EMB: variants seen among roughly 807,000 people sequenced by gnomAD.
EMB encodes the protein embigin.
A neutral mutation model predicts 41.4 loss-of-function variants in EMB; 31 were observed. That is an observed-to-expected ratio of 0.75 (90% CI 0.56 to 1.01). EMB has a LOEUF of 1.01. Ranked by LOEUF, EMB falls within the 50% of genes least tolerant of loss-of-function variation. The pLI is 0.00. For missense variants in EMB, 379 were observed against 388.3 expected, an observed-to-expected ratio of 0.98 and a Z score of 0.20; for synonymous variants, 137 against 140.4, an observed-to-expected ratio of 0.98 and a Z score of 0.17.
In EMB at chr5:50,397,358, T is replaced by C. The variant is rs1745086203; in HGVS notation, c.*1915A>G. 1 of 152,142 alleles carries C rather than the reference T, an allele frequency of 6.6e-6. No homozygotes were observed. The highest frequency in any genetic ancestry group is 2.4e-5 in the African/African-American group (1 of 41,446). The allele number at this position is 152,142 out of a possible 1,614,324, so 9.4% of individuals were successfully genotyped here. On this transcript the variant is annotated 3_prime_UTR_variant, in exon 9 of 9. Coordinates refer to ENST00000303221, the MANE Select transcript of EMB (RefSeq NM_198449.3). ...TTTAAGGTTACTGAGATAAATTGTCTTTGCTAGAAAAAAATAAACAGTATT... is the reference window on the plus strand; with the variant it reads ...TTTAAGGTTACTGAGATAAATTGTCCTTGCTAGAAAAAAATAAACAGTATT...
intron 2 of EMB, among the ~76,000 whole-genome samples, chr5:50,416,304 G>A (rs1346858275): frequency 2.0e-5 from 3 of 152,130 alleles, no homozygotes; most frequent in East Asian, 1.9e-4. Context: ...TTTTTGAAAC[G>A]TATTTTCAAG....
At position 50,399,285 on chromosome 5, in the gene EMB, A is replaced by G; in HGVS notation, c.972T>C (p.Ser324=). ...NNVPRHRKNE[S]LGQ ...TGATGTTTTGTATTCACTGGCCCAG[A>G]GACTCCTGAGTTAAATAAAGCATAA... is the stretch of plus-strand genomic sequence containing the variant. Residue 324 remains serine, a synonymous_variant, in exon 9 of 9, where the codon TCT becomes TCC. Coordinates refer to ENST00000303221, the MANE Select transcript of EMB (RefSeq NM_198449.3). 18 of 1,608,764 alleles carry G rather than the reference A, an allele frequency of 1.1e-5. No homozygotes were observed. Among genetic ancestry groups the G allele is most frequent in the Non-Finnish European group, 1.5e-5 (18 of 1,177,016 alleles).
intron 2 of EMB, among the ~76,000 whole-genome samples, chr5:50,413,913 C>T (rs1397070571): frequency 3.3e-5 from 5 of 152,122 alleles, no homozygotes; most frequent in African/African-American, 4.8e-5. Flanking sequence ...GTCTTTGTAT[C>T]GGACGTCAGG....
chr5:50,439,190 C>A (rs1420878152), intron 1 of EMB, among the ~76,000 whole-genome samples: 2 of 151,918 alleles, frequency 1.3e-5, no homozygotes, highest in African/African-American at 2.4e-5. Context: ...AGTAGAGAAT[C>A]AAAGTTCTAC....
intron 2 of EMB, among the ~76,000 whole-genome samples, chr5:50,426,719 A>G (rs1276376681): frequency 6.6e-6 from 1 of 152,196 alleles, no homozygotes; most frequent in Non-Finnish European, 1.5e-5. Flanking sequence ...GATAAAATCA[A>G]TATTGATACA....
intron 2 of EMB, among the ~76,000 whole-genome samples, chr5:50,426,909 A>C (rs951937744): frequency 1.3e-5 from 2 of 151,688 alleles, no homozygotes; most frequent in African/African-American, 4.8e-5. Context: ...AAAAAAAAAA[A>C]AAAAAACACT....
chr5:50,433,033 G>A (rs535431780), intron 1 of EMB, among the ~76,000 whole-genome samples: 2 of 151,866 alleles, frequency 1.3e-5, no homozygotes, highest in East Asian at 1.9e-4. Flanking sequence ...AGCTGAGATC[G>A]CATCACTGCA....
intron 1 of EMB, among the ~76,000 whole-genome samples, chr5:50,431,181 T>C (rs1220641249): frequency 6.6e-6 from 1 of 152,160 alleles, no homozygotes; most frequent in African/African-American, 2.4e-5. Context: ...AAAGAACACG[T>C]GTAACTGCTG....
intron 2 of EMB, among the ~76,000 whole-genome samples, chr5:50,421,018 A>AG (rs1468076313): frequency 2.0e-5 from 3 of 152,236 alleles, no homozygotes; most frequent in African/African-American, 7.2e-5. Context: ...CTAATCTAGC[A>AG]GGGGACATAT....
chr5:50,417,917 G>C (rs192269321), intron 2 of EMB, among the ~76,000 whole-genome samples: 1 of 152,158 alleles, frequency 6.6e-6, no homozygotes, highest in Non-Finnish European at 1.5e-5. Flanking sequence ...GATGCTAGTT[G>C]AATTTCACTA....
At chr5:50,432,404 C>T (rs181377147) in intron 1 of EMB, among the ~76,000 whole-genome samples, 3 of 152,004 alleles carry the variant, frequency 2.0e-5, no homozygotes, top group African/African-American at 7.2e-5. Flanking sequence ...AACCCAATTA[C>T]AGAAACACTG....
chr5:50,429,735 C>T (rs1745681977), intron 1 of EMB, among the ~76,000 whole-genome samples: 1 of 152,014 alleles, frequency 6.6e-6, no homozygotes, highest in Admixed American at 6.6e-5. Context: ...TCAGACTACC[C>T]TCTCACAATG....
At chr5:50,441,335 C>T, upstream of EMB, 1 of 386,342 alleles carries the variant, frequency 2.6e-6, no homozygotes, top group East Asian at 3.7e-5. Flanking sequence ...CCCCGAGACG[C>T]TCTTACCGCG....
rs1419466534 is a variant in EMB at position 50,396,218 on chromosome 5, T to C, written c.*3055A>G. ...GAAGTTATAAAAGCTTGTTTTTCTT[T>C]ATTAGAATACTTTTTTCAATTCTGA... On this transcript the variant is annotated 3_prime_UTR_variant, in exon 9 of 9. Transcript: ENST00000303221. 2 of 152,220 alleles carry C rather than the reference T, an allele frequency of 1.3e-5. No homozygotes were observed. The highest frequency in any genetic ancestry group is 4.8e-5 in the African/African-American group (2 of 41,462). The allele number at this position is 152,220 out of a possible 1,614,324, so 9.4% of individuals were successfully genotyped here.
intron 4 of EMB, among the ~76,000 whole-genome samples, chr5:50,409,385 A>G (rs1361346467): frequency 2.0e-5 from 3 of 151,450 alleles, no homozygotes; most frequent in Non-Finnish European, 2.9e-5. Context: ...AATGTCTTAG[A>G]AAAAAAAAGA....
intron 2 of EMB, among the ~76,000 whole-genome samples, chr5:50,418,008 T>C (rs1334897349): frequency 6.6e-6 from 1 of 152,224 alleles, no homozygotes; most frequent in African/African-American, 2.4e-5. Flanking sequence ...ATTTCTCTAC[T>C]TTCTAAACTG....
In EMB at chr5:50,441,137, G is replaced by A. The variant is rs551178342; in HGVS notation, c.15C>T (p.Pro5=). The change falls in exon 1 of 9, where the codon CCC becomes CCT. Residue 5 remains proline, a synonymous_variant. Transcript: ENST00000303221. The stretch of plus-strand genomic sequence containing the variant: ...TACGCGCCCTGGCCTCCAGCAGGCC[G>A]GGGAGGGCGCGCATGGCGCCAGAGG... MRAL[P]GLLEARARTP... is the part of the protein sequence containing the mutation. 6.3e-5 allele frequency: 95 copies of A among 1,501,746 alleles called. No individual in the cohort carries two copies. In the Middle Eastern group the frequency reaches 1.4e-3, roughly 22 times the overall value. 93.0% of individuals were successfully genotyped at this position (1,501,746 alleles called of 1,614,324 possible).
At chr5:50,406,131 G>A (rs900579031) in intron 4 of EMB, among the ~76,000 whole-genome samples, 1 of 151,842 alleles carries the variant, frequency 6.6e-6, no homozygotes, top group African/African-American at 2.4e-5. Context: ...TAAGTTAAAT[G>A]TTTTGGGTAA....
At chr5:50,412,259 C>CACACACACAG (rs1745353189) in intron 2 of EMB, among the ~76,000 whole-genome samples, 1 of 45,858 alleles carries the variant, frequency 2.2e-5, no homozygotes, top group African/African-American at 1.9e-4. Context: ...CACACACAGA[C>CACACACACAG]ACACACACAC....
Sources: gnomAD v4.1 joint callset for allele counts (sites outside exome capture counted in the v4.1 genomes callset) on GRCh38, gnomAD v4.1.1 for gene constraint, MANE v1.5 for transcripts, NCBI Gene and HGNC (gene_info 2026-07-23, HGNC 2026-07-21) for gene names.